TIAM1: variants seen among roughly 807,000 people sequenced by gnomAD.
TIAM1 encodes the protein TIAM Rac1 associated GEF 1.
A neutral mutation model predicts 163.5 loss-of-function variants in TIAM1; 65 were observed. That is an observed-to-expected ratio of 0.40 (90% CI 0.33 to 0.49). The LOEUF (loss-of-function observed/expected upper bound fraction) is 0.49. Ranked by LOEUF, TIAM1 falls within the 20% of genes least tolerant of loss-of-function variation. The pLI is 0.77. For synonymous variants in TIAM1, 833 were observed against 810.1 expected, an observed-to-expected ratio of 1.03 and a Z score of -0.48; for missense variants, 1,789 against 2,044.7, an observed-to-expected ratio of 0.87 and a Z score of 2.41.
intron 19 of TIAM1, among the ~76,000 whole-genome samples, chr21:31,148,004 C>CAAAAAAAAAAAAAAAAAAAAAAAAAAA (rs34410316): frequency 1.6e-5 from 1 of 63,792 alleles, no homozygotes. Flanking sequence ...TGTCCATGAC[C>CAAAAAAAAAAAAAAAAAAAAAAAAAAA]AAAAAAAAAA....
At chr21:31,291,317 A>AAAC (rs1024025327) in intron 2 of TIAM1, among the ~76,000 whole-genome samples, 6 of 152,142 alleles carry the variant, frequency 3.9e-5, no homozygotes, top group Admixed American at 1.3e-4. Context: ...TCATAGATAG[A>AAAC]AACAACAACA....
intron 2 of TIAM1, among the ~76,000 whole-genome samples, chr21:31,438,336 C>G (rs56933667): frequency 6.6e-6 from 1 of 151,316 alleles, no homozygotes; most frequent in Non-Finnish European, 1.5e-5. Context: ...GGATTACAGG[C>G]GCCTGCCACC....
intron 2 of TIAM1, among the ~76,000 whole-genome samples, chr21:31,411,026 G>A (rs1363026088): frequency 6.6e-6 from 1 of 152,104 alleles, no homozygotes; most frequent in Non-Finnish European, 1.5e-5. Context: ...GTGGGCTCCT[G>A]ACATTGAGGA....
intron 12 of TIAM1, among the ~76,000 whole-genome samples, chr21:31,200,234 G>T (rs2086124898): frequency 6.6e-6 from 1 of 152,250 alleles, no homozygotes; most frequent in East Asian, 1.9e-4. Context: ...CTACTTGGGA[G>T]GCTGAGGCAG....
intron 6 of TIAM1, 116 bp downstream of exon 6, chr21:31,245,372 T>TA (rs35494700): frequency 0.035 from 7,366 of 209,064 alleles, 217 homozygotes; most frequent in African/African-American, 0.049. Context: ...ATCTCACCAC[T>TA]AAAAAAAAAA....
At position 31,178,393 on chromosome 21, in the gene TIAM1, G is replaced by A. The variant is rs2084866058; in HGVS notation, c.2887+4028C>T. 1.5e-5 allele frequency among the ~76,000 whole-genome samples: 2 copies of A among 133,758 alleles called. 1 individual carries two copies. Among genetic ancestry groups the A allele is most frequent in the Non-Finnish European group, 3.1e-5 (2 of 65,342 alleles). The allele number at this position is 133,758 out of a possible 152,430, so 87.8% of individuals were successfully genotyped here. ...GTGATCTCGGCTCACTGCAGGCTCT[G>A]CCCCCGGGGTTCACGCCATTCTCCT... On this transcript the variant is annotated intron_variant, in intron 15 of 27. Coordinates refer to ENST00000541036, the MANE Select transcript of TIAM1 (RefSeq NM_001353694.2).
At chr21:31,192,602 CTG>C (rs940037604) in intron 13 of TIAM1, among the ~76,000 whole-genome samples, 61 of 150,904 alleles carry the variant, frequency 4.0e-4, no homozygotes, top group African/African-American at 1.1e-3. Context: ...CAGAGGGAAA[CTG>C]TGTCTTAAAA....
chr21:31,136,968 G>A (rs2082644350), intron 22 of TIAM1, among the ~76,000 whole-genome samples: 1 of 152,226 alleles, frequency 6.6e-6, no homozygotes, highest in Non-Finnish European at 1.5e-5. Flanking sequence ...GGAATCCCAA[G>A]AGACCATGAG....
At chr21:31,363,296 C>T (rs2076438025) in intron 2 of TIAM1, among the ~76,000 whole-genome samples, 1 of 152,148 alleles carries the variant, frequency 6.6e-6, no homozygotes, top group Admixed American at 6.5e-5. Flanking sequence ...TCCAGCTGTC[C>T]CCTAACCCCA....
At chr21:31,444,728 G>T (rs1351000116) in intron 2 of TIAM1, among the ~76,000 whole-genome samples, 13 of 152,224 alleles carry the variant, frequency 8.5e-5, no homozygotes, top group Admixed American at 2.6e-4. Context: ...GCCAGGCGCG[G>T]TGGCTCACGC....
intron 27 of TIAM1, 51 bp downstream of exon 27, chr21:31,124,471 A>C (rs752408171): frequency 6.2e-7 from 1 of 1,606,534 alleles, no homozygotes; most frequent in South Asian, 1.1e-5. Context: ...CTGGAGTTCT[A>C]CTGCGGAGTG....
chr21:31,136,618 C>T (rs1161971695), intron 22 of TIAM1, among the ~76,000 whole-genome samples: 2 of 152,150 alleles, frequency 1.3e-5, no homozygotes, highest in African/African-American at 2.4e-5. Context: ...TTATTCCATG[C>T]TTGTCTACTA....
chr21:31,423,863 C>A (rs3055336), intron 2 of TIAM1, among the ~76,000 whole-genome samples: 18 of 25,574 alleles, frequency 7.0e-4, no homozygotes, highest in Non-Finnish European at 1.9e-4. Flanking sequence ...TCGGGGGGGG[C>A]GGGGGGGGGG....
At chr21:31,225,618 G>A (rs8133320) in intron 7 of TIAM1, 108 bp downstream of exon 7, 9,757 of 858,026 alleles carry the variant, frequency 0.011, 267 homozygotes, top group African/African-American at 0.092. Context: ...ACAGGCTGTC[G>A]AGGAGATATC....
chr21:31,231,811 T>C (rs1035408959), intron 6 of TIAM1, among the ~76,000 whole-genome samples: 1 of 151,950 alleles, frequency 6.6e-6, no homozygotes, highest in Non-Finnish European at 1.5e-5. Flanking sequence ...AGGCCAGGAG[T>C]TCGAGACCAG....
intron 2 of TIAM1, among the ~76,000 whole-genome samples, chr21:31,390,756 T>C (rs903998876): frequency 6.6e-6 from 1 of 152,242 alleles, no homozygotes; most frequent in African/African-American, 2.4e-5. Flanking sequence ...TAAATGAACC[T>C]ATGCCAGGAA....
intron 3 of TIAM1, among the ~76,000 whole-genome samples, chr21:31,270,939 T>C (rs959525237): frequency 2.0e-5 from 3 of 152,186 alleles, no homozygotes; most frequent in Non-Finnish European, 2.9e-5. Context: ...CCTTCAGACC[T>C]TCAATCAAAT....
intron 2 of TIAM1, among the ~76,000 whole-genome samples, chr21:31,454,922 A>T (rs1053606168): frequency 6.6e-6 from 1 of 152,046 alleles, no homozygotes; most frequent in Non-Finnish European, 1.5e-5. Context: ...CCTGGTGTCC[A>T]CTAAAAGAAA....
chr21:31,552,048 CTTTTTTTTTTT>C (rs200300720), intron 1 of TIAM1, among the ~76,000 whole-genome samples: 8 of 80,118 alleles, frequency 1.0e-4, no homozygotes, highest in Non-Finnish European at 1.7e-4. Flanking sequence ...CTCTGCACTA[CTTTTTTTTTTT>C]TTTTTTTTTT....
Sources: gnomAD v4.1 joint callset for allele counts (sites outside exome capture counted in the v4.1 genomes callset) on GRCh38, gnomAD v4.1.1 for gene constraint, MANE v1.5 for transcripts, NCBI Gene and HGNC (gene_info 2026-07-23, HGNC 2026-07-21) for gene names.